Variants in TUBG2 observed in about 807,000 individuals in gnomAD.
TUBG2 encodes the protein tubulin gamma-2 chain.
Under a neutral mutation model 55.1 loss-of-function variants are expected in TUBG2, and 39 were observed. That is an observed-to-expected ratio of 0.71 (90% CI 0.55 to 0.93). TUBG2 has a LOEUF of 0.93. TUBG2 is among the 40% of genes least tolerant of loss of function. The pLI is 0.00. For missense variants in TUBG2, 358 were observed against 599.1 expected, an observed-to-expected ratio of 0.60 and a Z score of 4.20; for synonymous variants, 223 against 241.0, an observed-to-expected ratio of 0.93 and a Z score of 0.69.
Position 42,666,872 on chromosome 17 carries a change from C to G in TUBG2, c.*72C>G. 1 of 1,537,996 alleles carries G rather than the reference C, an allele frequency of 6.5e-7. No individual in the cohort carries two copies. Among genetic ancestry groups the G allele is most frequent in the Non-Finnish European group, 8.9e-7 (1 of 1,120,202 alleles). On this transcript the variant is annotated 3_prime_UTR_variant, in exon 11 of 11. Coordinates refer to ENST00000251412, the MANE Select transcript of TUBG2 (RefSeq NM_016437.3). ...TCGACCATGCCTGCTCCCTCTGACC[C>G]AGCTTCACCTCATGGACAACCCTTC...
Position 42,659,466 on chromosome 17 carries a change from C to T in TUBG2, c.-38C>T, listed in dbSNP as rs1267086905. 1.9e-6 allele frequency: 3 copies of T among 1,541,134 alleles called. No homozygotes were observed. Among genetic ancestry groups the T allele is most frequent in the Admixed American group, 4.0e-5 (2 of 49,484 alleles). On this transcript the variant is annotated 5_prime_UTR_variant, in exon 1 of 11. Transcript: ENST00000251412. Reference sequence around the variant, plus strand: ...GGGCATTCGTCTCAGCCGTGACTCTCGCCAGGCCGGGGCTGGCGCGCCCAC... The same window carrying T: ...GGGCATTCGTCTCAGCCGTGACTCTTGCCAGGCCGGGGCTGGCGCGCCCAC...
At chr17:42,663,531 G>C in intron 6 of TUBG2, 28 bp downstream of exon 6, 1 of 1,612,618 alleles carries the variant, frequency 6.2e-7, no homozygotes, top group Non-Finnish European at 8.5e-7. Context: ...TGAGGGGCTG[G>C]GTGTGGTGGC....
At chr17:42,665,431 C>T in intron 6 of TUBG2, 45 bp from the exon 7 acceptor site, 2 of 1,613,402 alleles carry the variant, frequency 1.2e-6, no homozygotes, top group African/African-American at 1.3e-5. Flanking sequence ...TATTTCTATG[C>T]CCATTTTATC....
chr17:42,660,591 C>T, intron 3 of TUBG2, 48 bp from the exon 4 acceptor site: 1 of 1,548,802 alleles, frequency 6.5e-7, no homozygotes, highest in South Asian at 1.1e-5. Flanking sequence ...AGAAAAGATG[C>T]TCTCTGGAAC....
rs1279647913 is a variant in TUBG2, at chr17:42,665,634, T to TC, written c.694-41dup. 9.3e-6 allele frequency: 15 copies of TC among 1,613,666 alleles called. No homozygotes were observed. In the Admixed American group the frequency reaches 1.3e-4, roughly 14 times the overall value. ...TGGAGGGTCATCTGGGGAAGGAAGGTCCCACCCAGGCCGAGCCCCATGACA... is the reference window on the plus strand; with the variant it reads ...TGGAGGGTCATCTGGGGAAGGAAGGTCCCCACCCAGGCCGAGCCCCATGACA... On this transcript the variant is annotated intron_variant, in intron 7 of 10. Transcript: ENST00000251412.
At chr17:42,663,929 C>T (rs147797367) in intron 6 of TUBG2, among the ~76,000 whole-genome samples, 1,719 of 135,200 alleles carry the variant, frequency 0.013, 32 homozygotes, top group African/African-American at 0.048. Context: ...GGTGACAGAG[C>T]GAGACTCTGT....
Position 42,666,790 on chromosome 17 carries a change from A to C in TUBG2, c.1346A>C (p.Gln449Pro). The C allele has an allele frequency of 1.5e-5, 25 of 1,614,078 alleles. No individual in the cohort carries two copies. Among genetic ancestry groups the C allele is most frequent in the Non-Finnish European group, 2.1e-5 (25 of 1,179,992 alleles). Reference sequence around the variant, plus strand: ...CCAGACTACATTTCCTGGGGCACCCAGGAGCAGTGATTTCCCTCCCCACTA... The same window carrying C: ...CCAGACTACATTTCCTGGGGCACCCCGGAGCAGTGATTTCCCTCCCCACTA... ...TQPDYISWGT[Q>P]EQ is the part of the protein sequence containing the mutation. The change falls in exon 11 of 11, where the codon CAG (glutamine) becomes CCG (proline). Residue 449 changes from glutamine (Q) to proline (P), a missense_variant. Physicochemically the swap from Gln to Pro is moderately conservative, Grantham distance 76 (BLOSUM62 -1). This residue lies in a region of TUBG2 where 54 missense variants were observed against 50.2 expected (regional missense o/e 1.08). Coordinates refer to ENST00000251412, the MANE Select transcript of TUBG2 (RefSeq NM_016437.3).
chr17:42,665,779 G>T lies in TUBG2; in HGVS notation c.795G>T (p.Arg265=). The stretch of plus-strand genomic sequence containing the variant: ...TCGCCTCGCTCATTCCCACCCCACG[G>T]CTCCACTTCCTCATGACCGGCTACA... ...GLIASLIPTP[R]LHFLMTGYTP... is the part of the protein sequence containing the mutation. The change falls in exon 8 of 11, where the codon CGG becomes CGT. Residue 265 remains arginine (R), a synonymous_variant. Transcript: ENST00000251412. 1 of 1,614,080 alleles carries T rather than the reference G, an allele frequency of 6.2e-7. No individual in the cohort carries two copies. Among genetic ancestry groups the T allele is most frequent in the Non-Finnish European group, 8.5e-7 (1 of 1,179,996 alleles).
intron 4 of TUBG2, 42 bp from the exon 5 acceptor site, chr17:42,662,931 T>G: frequency 6.3e-7 from 1 of 1,589,980 alleles, no homozygotes; most frequent in Non-Finnish European, 8.6e-7. Flanking sequence ...TGTGAGAGTG[T>G]GGCAGGAGAA....
At chr17:42,661,861 C>A (rs2052394066) in intron 4 of TUBG2, among the ~76,000 whole-genome samples, 1 of 152,194 alleles carries the variant, frequency 6.6e-6, no homozygotes, top group African/African-American at 2.4e-5. Context: ...TGGTCAGAGG[C>A]ACAGATAAAA....
chr17:42,663,569 A>T, intron 6 of TUBG2, 66 bp downstream of exon 6: 1 of 1,584,028 alleles, frequency 6.3e-7, no homozygotes, highest in Non-Finnish European at 8.6e-7. Flanking sequence ...GCACTTTGGG[A>T]GGCCTAGGCA....
At position 42,660,230 on chromosome 17, in the gene TUBG2, T is replaced by C. The variant is rs747845754; in HGVS notation, c.244T>C (p.Tyr82His). ...RVIHSILNSP[Y>H]AKLYNPENIY... ...GATCCACTCCATCCTCAACTCCCCC[T>C]ATGCCAAGCTCTACAACCCAGAGAA... The change falls in exon 3 of 11, where the codon TAT becomes CAT. Residue 82 changes from tyrosine to histidine, a missense_variant. Physicochemically the swap from Tyr to His is moderately conservative, Grantham distance 83. Transcript: ENST00000251412. The C allele has an allele frequency of 6.2e-7, 1 of 1,613,392 alleles. No individual in the cohort carries two copies. Among genetic ancestry groups the C allele is most frequent in the South Asian group, 1.1e-5 (1 of 91,034 alleles).
At position 42,665,478 on chromosome 17, in the gene TUBG2, G is replaced by A. The variant is rs1300820652; in HGVS notation, c.609G>A (p.Val203=). 3.1e-6 allele frequency: 5 copies of A among 1,614,064 alleles called. No individual in the cohort carries two copies. In the South Asian group the frequency reaches 5.5e-5, roughly 18 times the overall value. ...GTGATGCTCTTCTGTCCCCCCAGGT[G>A]GTGCTGGACAACACAGCCCTGAACC... The part of the protein sequence containing the change: ...KRLTQNADCV[V]VLDNTALNRI... The change falls in exon 7 of 11, where the codon GTG becomes GTA. Residue 203 remains valine, a splice_region_variant and synonymous_variant. Transcript: ENST00000251412.
At position 42,666,168 on chromosome 17, in the gene TUBG2, C is replaced by T. The variant is rs759629932; in HGVS notation, c.925C>T (p.Arg309Ter). The T allele has an allele frequency of 3.1e-6, 5 of 1,613,976 alleles. No individual in the cohort carries two copies. The highest frequency in any genetic ancestry group is 2.2e-5 in the East Asian group (1 of 44,878). The change falls in exon 9 of 11, where the codon CGA (arginine) becomes TGA (stop). Residue 309 changes from arginine (R) to a stop codon, truncating the protein, a stop_gained. Coordinates refer to ENST00000251412, the MANE Select transcript of TUBG2 (RefSeq NM_016437.3). LOFTEE classifies it high-confidence loss of function. Reference protein sequence around the residue: ...QPKNVMVSTGRDRQTNHCYIA... With the variant: ...QPKNVMVSTG ...CAAGAACGTGATGGTGTCCACAGGC[C>T]GAGACCGCCAGACCAACCACTGCTA... is the stretch of plus-strand genomic sequence containing the variant.
At position 42,663,034 on chromosome 17, in the gene TUBG2, T is replaced by C; in HGVS notation, c.461T>C (p.Leu154Pro). 1 of 1,614,114 alleles carries C rather than the reference T, an allele frequency of 6.2e-7. No individual in the cohort carries two copies. The highest frequency in any genetic ancestry group is 8.5e-7 in the Non-Finnish European group (1 of 1,179,976). ...GTGSGLGSYL[L>P]ERLNDRYPKK... The stretch of plus-strand genomic sequence containing the variant: ...GGTTCTGGCCTGGGCTCCTACCTCC[T>C]GGAGCGACTGAATGACAGGCAAGCC... The change falls in exon 5 of 11, where the codon CTG becomes CCG. Residue 154 changes from leucine (L) to proline (P), a missense_variant. Coordinates refer to ENST00000251412, the MANE Select transcript of TUBG2 (RefSeq NM_016437.3).
rs746550974 is a variant in TUBG2 at position 42,660,633 on chromosome 17, A to G, written c.331-6A>G. ...CCTGACCCTCCCTTTCCATATCTCT[A>G]TACAGGGTGAGAAAATTCATGAAGA... On this transcript the variant is annotated splice_region_variant and splice_polypyrimidine_tract_variant and intron_variant, in intron 3 of 10. Coordinates refer to ENST00000251412, the MANE Select transcript of TUBG2 (RefSeq NM_016437.3). 33 of 1,613,654 alleles carry G rather than the reference A, an allele frequency of 2.0e-5. No homozygotes were observed. The East Asian group carries it at 6.0e-4, about 29-fold the overall frequency.
intron 6 of TUBG2, 29 bp from the exon 7 acceptor site, chr17:42,665,447 G>A (rs1305703996): frequency 1.2e-5 from 19 of 1,613,840 alleles, no homozygotes; most frequent in Non-Finnish European, 1.6e-5. Flanking sequence ...TTATCCTCAA[G>A]ATGCTGTGAT....
intron 3 of TUBG2, 56 bp downstream of exon 3, chr17:42,660,372 G>C (rs113859689): frequency 5.6e-6 from 9 of 1,608,762 alleles, no homozygotes; most frequent in Admixed American, 1.7e-5. Context: ...GGCAAGGCAG[G>C]CTCAAGCTAC....
At chr17:42,663,202 GT>G in intron 5 of TUBG2, 150 bp downstream of exon 5, 1 of 1,279,522 alleles carries the variant, frequency 7.8e-7, no homozygotes, top group South Asian at 1.4e-5. Flanking sequence ...ATTTTGGGGG[GT>G]GGGGGTTTAC....
Sources: allele counts gnomAD v4.1 joint callset (sites outside exome capture counted in the v4.1 genomes callset), GRCh38; gene constraint gnomAD v4.1.1; regional missense constraint gnomAD v4.1.1; transcripts MANE v1.5; gene names NCBI Gene and HGNC (gene_info 2026-07-23, HGNC 2026-07-21).